Variants in FGF14 observed in about 807,000 individuals in gnomAD.
The protein encoded by FGF14 is fibroblast growth factor 14, also known as fibroblast growth factor homologous factor 4.
FGF14 carries 5 observed loss-of-function variants against 25.5 expected under a neutral mutation model. That is an observed-to-expected ratio of 0.20 (90% CI 0.10 to 0.41). The LOEUF (loss-of-function observed/expected upper bound fraction) is 0.41. Among genes scored for constraint, FGF14 ranks in the 10% least tolerant of loss-of-function variants. The pLI is 1.00. For synonymous variants in FGF14, 138 were observed against 118.3 expected (o/e 1.17, Z -1.08); for missense variants, 222 against 320.1 (o/e 0.69, Z 2.34).
At chr13:102,055,697 CAG>C (rs1211517967) in intron 1 of FGF14, among the ~76,000 whole-genome samples, 2 of 152,186 alleles carry the variant, frequency 1.3e-5, no homozygotes, top group Admixed American at 1.3e-4. Flanking sequence ...TAGCACAACA[CAG>C]GGGGTGGCAA....
rs2034934718 is a variant in FGF14, at chr13:101,720,972, G to A, written c.*1859C>T. ...GCTAAGCAGGCCAGAATTTTTTAAT[G>A]CTGGGCAAGGGCTGTCATGAAGAAG... On this transcript the variant is annotated 3_prime_UTR_variant, in exon 5 of 5. Transcript: ENST00000376143. 1 of 152,098 alleles carries A rather than the reference G, an allele frequency of 6.6e-6. No individual in the cohort carries two copies. The highest frequency in any genetic ancestry group is 2.4e-5 in the African/African-American group (1 of 41,434). 9.4% of individuals were successfully genotyped at this position (152,098 alleles called of 1,614,324 possible). A position where few individuals can be genotyped will look rare whatever the true frequency, so the allele number is the denominator to read the frequency against.
chr13:101,728,832 AT>A (rs2035617065), intron 3 of FGF14, among the ~76,000 whole-genome samples: 1 of 152,110 alleles, frequency 6.6e-6, no homozygotes, highest in Non-Finnish European at 1.5e-5. Flanking sequence ...TGGCTCACTG[AT>A]GCTCATCCTG....
At chr13:101,962,984 G>C (rs929358985) in intron 1 of FGF14, among the ~76,000 whole-genome samples, 5 of 152,204 alleles carry the variant, frequency 3.3e-5, no homozygotes, top group African/African-American at 9.7e-5. Context: ...AACTGCCATA[G>C]CTTCCTTCCT....
chr13:101,715,710 A>C lies in FGF14; in HGVS notation c.*7121T>G. ...TTTTTCTGGGCCATTAGAACAGATA[A>C]ATGCGAAGGAAACCATGTATATTCA... On this transcript the variant is annotated 3_prime_UTR_variant, in exon 5 of 5. Coordinates refer to ENST00000376143, the MANE Select transcript of FGF14 (RefSeq NM_004115.4). The C allele has an allele frequency of 9.2e-7, 1 of 1,085,268 alleles. No individual in the cohort carries two copies. The highest frequency in any genetic ancestry group is 1.4e-6 in the Non-Finnish European group (1 of 698,016). The allele number at this position is 1,085,268 out of a possible 1,614,324, so 67.2% of individuals were successfully genotyped here.
Position 102,178,697 on chromosome 13 carries a change from A to G in FGF14, c.208+222774T>C, listed in dbSNP as rs1714295014. Among the ~76,000 whole-genome samples, 3 of 152,160 alleles carry G rather than the reference A, an allele frequency of 2.0e-5. No individual in the cohort carries two copies. In the South Asian group the frequency reaches 6.2e-4, roughly 31 times the overall value. ...AAGATGATGGTCTCCAGTTCCATCC[A>G]TGTTGCTGCAAAAGCCATGATTTCA... On this transcript the variant is annotated intron_variant, in intron 1 of 4. Transcript: ENST00000376131.
chr13:102,227,458 T>C (rs939877749), intron 1 of FGF14, among the ~76,000 whole-genome samples: 1 of 152,124 alleles, frequency 6.6e-6, no homozygotes, highest in Non-Finnish European at 1.5e-5. Flanking sequence ...GTAATCTCTC[T>C]GAGAGCAGAC....
At chr13:102,140,547 A>G (rs1257957032) in intron 1 of FGF14, among the ~76,000 whole-genome samples, 1 of 152,208 alleles carries the variant, frequency 6.6e-6, no homozygotes, top group Non-Finnish European at 1.5e-5. Flanking sequence ...AAGGAAGTCC[A>G]GTGTGCATGT....
intron 1 of FGF14, among the ~76,000 whole-genome samples, chr13:102,061,746 C>G (rs755548438): frequency 6.6e-6 from 1 of 152,182 alleles, no homozygotes; most frequent in Non-Finnish European, 1.5e-5. Flanking sequence ...GCAATACTGT[C>G]GAGTTCTGCC....
chr13:102,029,929 T>C (rs1019280021), intron 1 of FGF14, among the ~76,000 whole-genome samples: 9 of 152,168 alleles, frequency 5.9e-5, no homozygotes, highest in African/African-American at 1.9e-4. Flanking sequence ...GAGGAAGCAA[T>C]AGAGAAATGA....
In FGF14 at chr13:101,721,756, A is replaced by C. The variant is rs1050470728; in HGVS notation, c.*1075T>G. ...CTGAGTATGAGGGGAACGCAGCCAG[A>C]AACGGGGATGGCGTTAAGTTTGGTT... is the stretch of plus-strand genomic sequence containing the variant. On this transcript the variant is annotated 3_prime_UTR_variant, in exon 5 of 5. Coordinates refer to ENST00000376143, the MANE Select transcript of FGF14 (RefSeq NM_004115.4). The C allele has an allele frequency of 6.6e-6, 1 of 152,130 alleles. No homozygotes were observed. Among genetic ancestry groups the C allele is most frequent in the African/African-American group, 2.4e-5 (1 of 41,430 alleles). The allele number at this position is 152,130 out of a possible 1,614,324, so 9.4% of individuals were successfully genotyped here. A position where few individuals can be genotyped will look rare whatever the true frequency, so the allele number is the denominator to read the frequency against.
At chr13:101,799,834 G>A (rs2040766639) in intron 3 of FGF14, among the ~76,000 whole-genome samples, 1 of 151,704 alleles carries the variant, frequency 6.6e-6, no homozygotes, top group South Asian at 2.1e-4. Flanking sequence ...ACAACTCAAG[G>A]GGAAAAGGAC....
chr13:102,377,124 G>C (rs1215845738), intron 1 of FGF14, among the ~76,000 whole-genome samples: 1 of 151,726 alleles, frequency 6.6e-6, no homozygotes, highest in Non-Finnish European at 1.5e-5. Flanking sequence ...GTGAATGACA[G>C]AGCACAAAGT....
At chr13:101,761,799 G>A (rs1005889871) in intron 3 of FGF14, among the ~76,000 whole-genome samples, 14 of 152,026 alleles carry the variant, frequency 9.2e-5, no homozygotes, top group Admixed American at 2.0e-4. Context: ...AGAAAACAAC[G>A]CTTGTCCTCA....
chr13:101,853,745 C>A (rs1161486455), intron 3 of FGF14, among the ~76,000 whole-genome samples: 1 of 152,006 alleles, frequency 6.6e-6, no homozygotes, highest in South Asian at 2.1e-4. Flanking sequence ...TGTGAGCCAC[C>A]ATGCATGGCC....
chr13:102,062,110 G>C (rs1437561410), intron 1 of FGF14, among the ~76,000 whole-genome samples: 1 of 152,122 alleles, frequency 6.6e-6, no homozygotes, highest in Non-Finnish European at 1.5e-5. Flanking sequence ...GCAGCAAAAA[G>C]TCTATGCAAA....
chr13:101,974,744 C>G (rs1310777562), intron 1 of FGF14, among the ~76,000 whole-genome samples: 1 of 152,064 alleles, frequency 6.6e-6, no homozygotes, highest in African/African-American at 2.4e-5. Context: ...GGAAAAAAAA[C>G]TAGTGAACCA....
At chr13:102,288,758 T>C (rs771267698) in intron 1 of FGF14, among the ~76,000 whole-genome samples, 4 of 152,026 alleles carry the variant, frequency 2.6e-5, no homozygotes. Flanking sequence ...CTAAGTTTTA[T>C]ATTTTTAGTA....
At chr13:101,918,225 G>A (rs1054900968), upstream of FGF14, among the ~76,000 whole-genome samples, 2 of 152,192 alleles carry the variant, frequency 1.3e-5, no homozygotes, top group Non-Finnish European at 1.5e-5. Flanking sequence ...GGGGGAGGTT[G>A]GGAGAGAAAC....
intron 1 of FGF14, among the ~76,000 whole-genome samples, chr13:102,310,606 G>A (rs1194806451): frequency 1.4e-5 from 2 of 145,214 alleles, no homozygotes; most frequent in Non-Finnish European, 3.0e-5. Flanking sequence ...GATAGAGGGA[G>A]GCAAGGAATA....
Sources: allele counts gnomAD v4.1 joint callset (sites outside exome capture counted in the v4.1 genomes callset), GRCh38; gene constraint gnomAD v4.1.1; transcripts MANE v1.5; gene names NCBI Gene and HGNC (gene_info 2026-07-23, HGNC 2026-07-21).